The following ZNF335 variants were observed in gnomAD, a reference collection of about 807,000 sequenced individuals.
The protein encoded by ZNF335 is NRC-interacting factor 1.
In ZNF335, 84 loss-of-function variants were observed where a neutral mutation model predicts 145.6. The ratio of observed to expected loss-of-function variants is 0.58; its 90% CI spans 0.48 to 0.69. The LOEUF (loss-of-function observed/expected upper bound fraction) is 0.69. Among genes scored for constraint, ZNF335 ranks in the 30% least tolerant of loss-of-function variants. ZNF335 has a pLI of 0.00. For synonymous variants in ZNF335, 761 were observed against 717.0 expected (o/e 1.06, Z -0.98); for missense variants, 1,865 against 1,809.7 (o/e 1.03, Z -0.55).
In ZNF335 at chr20:45,948,845, C is replaced by T; in HGVS notation, c.*108G>A. On this transcript the variant is annotated 3_prime_UTR_variant, in exon 28 of 28. Coordinates refer to ENST00000322927, the MANE Select transcript of ZNF335 (RefSeq NM_022095.4). ...CTCCCTGGGAATGAGAGGATGCTGGCTATCCAGTATCTGGAGATCCTAAAT... is the reference window on the plus strand; with the variant it reads ...CTCCCTGGGAATGAGAGGATGCTGGTTATCCAGTATCTGGAGATCCTAAAT... 2 of 1,536,832 alleles carry T rather than the reference C, an allele frequency of 1.3e-6. No individual in the cohort carries two copies. The highest frequency in any genetic ancestry group is 1.2e-5 in the South Asian group (1 of 86,162).
At chr20:45,950,727 C>A (rs1323198016) in intron 20 of ZNF335, 132 bp from the exon 21 acceptor site, 2 of 1,268,914 alleles carry the variant, frequency 1.6e-6, no homozygotes, top group Non-Finnish European at 2.2e-6. Context: ...TGTGCACTAA[C>A]AAGAAGCTGG....
intron 18 of ZNF335, among the ~76,000 whole-genome samples, chr20:45,952,983 G>C (rs1467651066): frequency 6.6e-6 from 1 of 152,222 alleles, no homozygotes; most frequent in Non-Finnish European, 1.5e-5. Flanking sequence ...AGGCAGAGGG[G>C]TCTAACCCAA....
At chr20:45,960,044 AG>A (rs1190006418) in intron 14 of ZNF335, among the ~76,000 whole-genome samples, 163 bp downstream of exon 14, 3 of 152,246 alleles carry the variant, frequency 2.0e-5, no homozygotes, top group Non-Finnish European at 4.4e-5. Flanking sequence ...GGCTCAGGTT[AG>A]GGTGAATACG....
In ZNF335 at chr20:45,952,792, T is replaced by C; in HGVS notation, c.2703-83A>G. 5.4e-6 allele frequency: 7 copies of C among 1,284,804 alleles called. No homozygotes were observed. The South Asian group carries it at 9.0e-5, about 16-fold the overall frequency. 79.6% of individuals were successfully genotyped at this position (1,284,804 alleles called of 1,614,324 possible). On this transcript the variant is annotated intron_variant, in intron 18 of 27. Coordinates refer to ENST00000322927, the MANE Select transcript of ZNF335 (RefSeq NM_022095.4). ...CAAGCAACAGGCATCAACTGAGGAG[T>C]GACTGTCACCACAGATGGACTCAAG...
intron 17 of ZNF335, among the ~76,000 whole-genome samples, chr20:45,956,687 C>T (rs969349463): frequency 2.0e-5 from 3 of 151,694 alleles, no homozygotes; most frequent in Non-Finnish European, 2.9e-5. Flanking sequence ...ACACTTCAAA[C>T]CACAGGTGAA....
intron 17 of ZNF335, among the ~76,000 whole-genome samples, chr20:45,955,116 C>T (rs555427730): frequency 6.6e-6 from 1 of 151,562 alleles, no homozygotes; most frequent in African/African-American, 2.4e-5. Flanking sequence ...TCTGGAAGGC[C>T]GAGGCGGGCA....
At position 45,969,635 on chromosome 20, in the gene ZNF335, A is replaced by C; in HGVS notation, c.258T>G (p.Pro86=). The change falls in exon 3 of 28, where the codon CCT becomes CCG. Residue 86 remains proline, a synonymous_variant. Transcript: ENST00000322927. ...GCCCATGAGACACAGACGATGAATC[A>C]GGGAGGTAGCTATTAGGCAGGGGGT... ...SADPLPNSYL[P]DSSSVSHGPV... The C allele has an allele frequency of 6.2e-7, 1 of 1,611,302 alleles. No homozygotes were observed. The highest frequency in any genetic ancestry group is 8.5e-7 in the Non-Finnish European group (1 of 1,178,256).
Position 45,967,515 on chromosome 20 carries a change from C to T in ZNF335, c.934G>A (p.Gly312Arg). ...CTACCCTCCAGGTCATCAATGGCTC[C>T]AGCGTCTACAATGTCATCATCGTCC... ...EEDDDDIVDA[G>R]AIDDLEEDSD... Residue 312 changes from glycine to arginine, a missense_variant, in exon 6 of 28, where the codon GGA (glycine) becomes AGA (arginine). Gly to Arg is a moderately radical substitution (Grantham distance 125, BLOSUM62 -2). Transcript: ENST00000322927. 6.2e-7 allele frequency: 1 copy of T among 1,614,080 alleles called. No homozygotes were observed. The highest frequency in any genetic ancestry group is 8.5e-7 in the Non-Finnish European group (1 of 1,180,018).
chr20:45,964,052 T>G, intron 7 of ZNF335, 62 bp from the exon 8 acceptor site: 1 of 1,499,662 alleles, frequency 6.7e-7, no homozygotes, highest in Non-Finnish European at 8.9e-7. Flanking sequence ...CGTGGACAAG[T>G]GGGCCAGAGG....
chr20:45,954,423 G>A (rs572056305), intron 17 of ZNF335, among the ~76,000 whole-genome samples: 1 of 152,150 alleles, frequency 6.6e-6, no homozygotes, highest in South Asian at 2.1e-4. Context: ...GGCTTCAAAT[G>A]GTTTAAAGAT....
At position 45,952,182 on chromosome 20, in the gene ZNF335, A is replaced by G. The variant is rs2083645731; in HGVS notation, c.3154T>C (p.Cys1052Arg). The change falls in exon 20 of 28, where the codon TGC (cysteine) becomes CGC (arginine). Residue 1052 changes from cysteine (C) to arginine (R), a missense_variant. Physicochemically the swap from Cys to Arg is radical, Grantham distance 180. Transcript: ENST00000322927. ...AGPGAFKCPD[C>R]PFSARQWPEV... ...GGCCACTGGCGGGCACTGAAGGGGC[A>G]GTCGGGGCACTTGAAGGCACCAGGC... 6.2e-7 allele frequency: 1 copy of G among 1,609,722 alleles called. No individual in the cohort carries two copies. Among genetic ancestry groups the G allele is most frequent in the Admixed American group, 1.7e-5 (1 of 59,834 alleles).
At chr20:45,951,557 A>C (rs1238107555) in intron 20 of ZNF335, among the ~76,000 whole-genome samples, 1 of 152,198 alleles carries the variant, frequency 6.6e-6, no homozygotes, top group Non-Finnish European at 1.5e-5. Context: ...AGTTCATCAG[A>C]TATTAGTTAG....
Position 45,965,772 on chromosome 20 carries a change from C to A in ZNF335, c.958G>T (p.Asp320Tyr). The A allele has an allele frequency of 6.2e-7, 1 of 1,602,240 alleles. No homozygotes were observed. Among genetic ancestry groups the A allele is most frequent in the Non-Finnish European group, 8.5e-7 (1 of 1,174,632 alleles). ...DAGAIDDLEE[D>Y]SDYNPAEDEP... ...TCCTCAGCTGGATTATAGTCGCTAT[C>A]CTCTGTGGGGGACAGTAAAGTTGGT... The change falls in exon 7 of 28, where the codon GAT becomes TAT. Residue 320 changes from aspartate to tyrosine, a missense_variant and splice_region_variant. Physicochemically the swap from Asp to Tyr is radical, Grantham distance 160. Transcript: ENST00000322927.
At chr20:45,959,070 G>C in intron 15 of ZNF335, 131 bp downstream of exon 15, 1 of 709,572 alleles carries the variant, frequency 1.4e-6, no homozygotes, top group Non-Finnish European at 2.0e-6. Flanking sequence ...GCTGGCATAT[G>C]TGTGACTCAG....
Position 45,962,058 on chromosome 20 carries a change from C to T in ZNF335, c.1646+12G>A, listed in dbSNP as rs1341127876. On this transcript the variant is annotated intron_variant, in intron 10 of 27. Coordinates refer to ENST00000322927, the MANE Select transcript of ZNF335 (RefSeq NM_022095.4). ...CCTCTCTTGCCCAGGTCCCTCCCAC[C>T]CCCACACTGACCGGTCCCGGCTGTG... 2 of 1,608,750 alleles carry T rather than the reference C, an allele frequency of 1.2e-6. No individual in the cohort carries two copies. The highest frequency in any genetic ancestry group is 2.2e-5 in the South Asian group (2 of 90,942).
intron 6 of ZNF335, 54 bp downstream of exon 6, chr20:45,967,436 CAGTG>C: frequency 6.2e-7 from 1 of 1,613,716 alleles, no homozygotes; most frequent in Non-Finnish European, 8.5e-7. Flanking sequence ...AGTGAAAGCT[CAGTG>C]AGTATGTCTA....
chr20:45,963,324 C>T (rs1236353739), intron 9 of ZNF335, 149 bp downstream of exon 9: 17 of 946,282 alleles, frequency 1.8e-5, no homozygotes, highest in Non-Finnish European at 2.0e-5. Context: ...TTCTTCGGTA[C>T]GCCAGTGAGC....
intron 20 of ZNF335, among the ~76,000 whole-genome samples, chr20:45,951,093 T>C (rs1411955715): frequency 6.6e-6 from 1 of 152,230 alleles, no homozygotes; most frequent in Admixed American, 6.5e-5. Context: ...GTTTTCTCCA[T>C]GTTGGTCAGG....
chr20:45,962,419 G>C (rs1423094554), intron 9 of ZNF335, among the ~76,000 whole-genome samples: 3 of 152,212 alleles, frequency 2.0e-5, no homozygotes, highest in African/African-American at 7.2e-5. Flanking sequence ...GACAAAGAAG[G>C]AACCTGAGTC....
Sources: allele counts gnomAD v4.1 joint callset (sites outside exome capture counted in the v4.1 genomes callset), GRCh38; gene constraint gnomAD v4.1.1; transcripts MANE v1.5; gene names NCBI Gene and HGNC (gene_info 2026-07-23, HGNC 2026-07-21).